Variants in IGF2BP1 observed in about 807,000 individuals in gnomAD.
IGF2BP1 encodes the protein insulin-like growth factor 2 mRNA-binding protein 1.
In IGF2BP1, 11 loss-of-function variants were observed where a neutral mutation model predicts 74.9. That is an observed-to-expected ratio of 0.15 (90% CI 0.09 to 0.24). The LOEUF (loss-of-function observed/expected upper bound fraction) is 0.24. Among genes scored for constraint, IGF2BP1 ranks in the 10% least tolerant of loss-of-function variants. IGF2BP1 has a pLI of 1.00. For synonymous variants in IGF2BP1, 287 were observed against 281.8 expected (o/e 1.02, Z -0.18); for missense variants, 440 against 757.4 (o/e 0.58, Z 4.92).
intron 2 of IGF2BP1, among the ~76,000 whole-genome samples, chr17:49,000,672 C>A (rs1447247378): frequency 6.6e-6 from 1 of 152,072 alleles, no homozygotes; most frequent in African/African-American, 2.4e-5. Flanking sequence ...AAGTGGAATT[C>A]TAAAATATGT....
intron 2 of IGF2BP1, among the ~76,000 whole-genome samples, chr17:49,015,301 A>C (rs945802354): frequency 6.6e-6 from 1 of 152,070 alleles, no homozygotes; most frequent in Non-Finnish European, 1.5e-5. Flanking sequence ...AGCTTTCTGG[A>C]GAGAGGCTGG....
rs1452441310 is a variant in IGF2BP1, at chr17:49,043,483, C to T, written c.1133C>T (p.Ala378Val). The T allele has an allele frequency of 1.9e-6, 3 of 1,614,004 alleles. No individual in the cohort carries two copies. The highest frequency in any genetic ancestry group is 2.7e-5 in the African/African-American group (2 of 74,932). Residue 378 changes from alanine (A) to valine (V), a missense_variant, in exon 10 of 15, where the codon GCT becomes GTT. This residue lies in a region of IGF2BP1 where 3 missense variants were observed against 20.3 expected (regional missense o/e 0.15). Coordinates refer to ENST00000290341, the MANE Select transcript of IGF2BP1 (RefSeq NM_006546.4). Reference sequence around the variant, plus strand: ...CTGGCTGCTGTAGGTCTTTTCCCAGCTTCATCCAGCGCAGTCCCGCCGCCT... The same window carrying T: ...CTGGCTGCTGTAGGTCTTTTCCCAGTTTCATCCAGCGCAGTCCCGCCGCCT... The part of the protein sequence containing the change: ...LNLAAVGLFP[A>V]SSSAVPPPPS...
intron 8 of IGF2BP1, 132 bp downstream of exon 8, chr17:49,041,632 C>A (rs1270990741): frequency 4.9e-6 from 6 of 1,229,472 alleles, no homozygotes; most frequent in East Asian, 4.7e-5. Context: ...GAAAAACAGT[C>A]GAAGTGGTAA....
chr17:49,001,811 A>G (rs1162970304), intron 2 of IGF2BP1, among the ~76,000 whole-genome samples: 2 of 152,144 alleles, frequency 1.3e-5, no homozygotes, highest in East Asian at 3.8e-4. Flanking sequence ...AAGGGCTTGT[A>G]TATGTTTTAT....
chr17:49,033,422 A>G (rs148683800), intron 5 of IGF2BP1, among the ~76,000 whole-genome samples: 3,955 of 151,472 alleles, frequency 0.026, 84 homozygotes, highest in South Asian at 0.082. Flanking sequence ...GCTCACTGCA[A>G]CCTTCACCTC....
intron 2 of IGF2BP1, among the ~76,000 whole-genome samples, chr17:49,011,104 C>CTCCA (rs2041611632): frequency 7.7e-6 from 1 of 129,172 alleles, no homozygotes; most frequent in Admixed American, 9.4e-5. Context: ...TGCCACTGCA[C>CTCCA]TCCAGCCTGG....
chr17:49,031,282 G>GT (rs1221760753), intron 4 of IGF2BP1, among the ~76,000 whole-genome samples: 4 of 151,862 alleles, frequency 2.6e-5, no homozygotes, highest in African/African-American at 7.2e-5. Context: ...TAATTTTTGT[G>GT]TTTTTTGTTA....
chr17:49,049,497 A>T lies in IGF2BP1; in HGVS notation c.*53A>T. ...AGGACAACAACGGGCAGAAATCGAGAGTGTGCTCTCCCCGGCAGGCCTGAG... is the reference window on the plus strand; with the variant it reads ...AGGACAACAACGGGCAGAAATCGAGTGTGTGCTCTCCCCGGCAGGCCTGAG... On this transcript the variant is annotated 3_prime_UTR_variant, in exon 15 of 15. Transcript: ENST00000290341. The T allele has an allele frequency of 1.3e-6, 2 of 1,493,182 alleles. No individual in the cohort carries two copies. 92.5% of individuals were successfully genotyped at this position (1,493,182 alleles called of 1,614,324 possible).
In IGF2BP1 at chr17:49,022,431, T is replaced by C. The variant is rs184186314; in HGVS notation, c.237-3187T>C. Among the ~76,000 whole-genome samples, 490 of 150,626 alleles carry C rather than the reference T, an allele frequency of 3.3e-3. 3 individuals are homozygous for C. Among genetic ancestry groups the C allele is most frequent in the African/African-American group, 0.011 (461 of 41,284 alleles). The stretch of plus-strand genomic sequence containing the variant: ...GCCCCCCGCCCCGCCCCTCCCGCTG[T>C]TGTGTTTTAATCAGGGCTGGGGGCT... On this transcript the variant is annotated intron_variant, in intron 2 of 14. Transcript: ENST00000290341.
chr17:49,028,112 G>C (rs2041880029), intron 4 of IGF2BP1, among the ~76,000 whole-genome samples: 1 of 152,080 alleles, frequency 6.6e-6, no homozygotes, highest in Non-Finnish European at 1.5e-5. Context: ...GCAGTGAGCT[G>C]TGATTGTGCC....
intron 2 of IGF2BP1, among the ~76,000 whole-genome samples, chr17:49,020,502 C>A (rs1379367738): frequency 6.6e-6 from 1 of 152,226 alleles, no homozygotes; most frequent in Admixed American, 6.5e-5. Context: ...CACAGCCATG[C>A]AGAACCACAG....
rs2042179679 is a variant in IGF2BP1, at chr17:49,052,574, G to A, written c.*3130G>A. ...GATATTTGCCCAGCAGGAAAATCATGTAAGTTATACCACCAGAAAGCAAAA... is the reference window on the plus strand; with the variant it reads ...GATATTTGCCCAGCAGGAAAATCATATAAGTTATACCACCAGAAAGCAAAA... On this transcript the variant is annotated 3_prime_UTR_variant, in exon 15 of 15. Coordinates refer to ENST00000290341, the MANE Select transcript of IGF2BP1 (RefSeq NM_006546.4). 1 of 152,236 alleles carries A rather than the reference G, an allele frequency of 6.6e-6. No homozygotes were observed. Among genetic ancestry groups the A allele is most frequent in the African/African-American group, 2.4e-5 (1 of 41,408 alleles). 9.4% of individuals were successfully genotyped at this position (152,236 alleles called of 1,614,324 possible). A position where few individuals can be genotyped will look rare whatever the true frequency, so the allele number is the denominator to read the frequency against.
At chr17:49,026,373 C>A in intron 3 of IGF2BP1, 93 bp from the exon 4 acceptor site, 2 of 1,092,550 alleles carry the variant, frequency 1.8e-6, no homozygotes. Flanking sequence ...TCTGTCAATG[C>A]CCGATTGCTT....
At position 49,040,047 on chromosome 17, in the gene IGF2BP1, G is replaced by A. The variant is rs1567825499; in HGVS notation, c.774G>A (p.Lys258=). Residue 258 remains lysine, a synonymous_variant, in exon 7 of 15, where the codon AAG becomes AAA. Coordinates refer to ENST00000290341, the MANE Select transcript of IGF2BP1 (RefSeq NM_006546.4). ...STPEGCSSAC[K]MILEIMHKEA... is the part of the protein sequence containing the mutation. Reference sequence around the variant, plus strand: ...CTGAGGGCTGCTCCTCCGCTTGTAAGATGATCTTGGAGATTATGCATAAAG... The same window carrying A: ...CTGAGGGCTGCTCCTCCGCTTGTAAAATGATCTTGGAGATTATGCATAAAG... The A allele has an allele frequency of 6.2e-7, 1 of 1,614,104 alleles. No homozygotes were observed. Among genetic ancestry groups the A allele is most frequent in the Non-Finnish European group, 8.5e-7 (1 of 1,180,032 alleles).
chr17:49,043,611 G>T (rs905825794), intron 10 of IGF2BP1, 61 bp downstream of exon 10: 76 of 1,578,598 alleles, frequency 4.8e-5, no homozygotes, highest in Non-Finnish European at 5.4e-5. Flanking sequence ...CCTTAAGGGG[G>T]ACTCAGCATG....
Position 49,026,495 on chromosome 17 carries a change from T to C in IGF2BP1, c.315T>C (p.Gly105=). Residue 105 remains glycine, a synonymous_variant, in exon 4 of 15, where the codon GGT becomes GGC. Coordinates refer to ENST00000290341, the MANE Select transcript of IGF2BP1 (RefSeq NM_006546.4). ...EVLDSLLAQY[G]TVENCEQVNT... ...TGGACAGCCTGCTGGCTCAGTATGG[T>C]ACAGTAGAGAACTGTGAGCAAGGTA... is the stretch of plus-strand genomic sequence containing the variant. 4.3e-6 allele frequency: 7 copies of C among 1,614,146 alleles called. No homozygotes were observed. The highest frequency in any genetic ancestry group is 5.9e-6 in the Non-Finnish European group (7 of 1,180,004).
intron 2 of IGF2BP1, among the ~76,000 whole-genome samples, chr17:49,021,233 G>C (rs1205092303): frequency 2.0e-5 from 3 of 151,888 alleles, no homozygotes; most frequent in African/African-American, 7.3e-5. Flanking sequence ...CTGAACTCTT[G>C]AGGTATGAAG....
At chr17:49,048,411 C>T (rs1035089895) in intron 14 of IGF2BP1, among the ~76,000 whole-genome samples, 10 of 151,924 alleles carry the variant, frequency 6.6e-5, no homozygotes, top group African/African-American at 2.4e-4. Context: ...CGTCACCACG[C>T]TCGGCTAATT....
chr17:48,999,923 G>GGTTGTGTGT (rs1555593972), intron 2 of IGF2BP1, among the ~76,000 whole-genome samples: 1 of 134,024 alleles, frequency 7.5e-6, no homozygotes, highest in Non-Finnish European at 1.6e-5. Context: ...GTGGATGAAT[G>GGTTGTGTGT]GTGTGTGTGT....
Sources: allele counts gnomAD v4.1 joint callset (sites outside exome capture counted in the v4.1 genomes callset), GRCh38; gene constraint gnomAD v4.1.1; regional missense constraint gnomAD v4.1.1; transcripts MANE v1.5; gene names NCBI Gene and HGNC (gene_info 2026-07-23, HGNC 2026-07-21).